The following NECAB1 variants were observed in gnomAD, a reference collection of about 807,000 sequenced individuals.
The protein encoded by NECAB1 is N-terminal EF-hand calcium-binding protein 1.
Under a neutral mutation model 57.5 loss-of-function variants are expected in NECAB1, and 29 were observed. The observed-to-expected ratio is 0.50, with a 90% CI of 0.38 to 0.69. The LOEUF is 0.69. Ranked by LOEUF, NECAB1 falls within the 30% of genes least tolerant of loss-of-function variation. The pLI, the probability that NECAB1 is intolerant of heterozygous loss-of-function variation, is 0.00. For synonymous variants in NECAB1, 142 were observed against 147.7 expected (o/e 0.96, Z 0.28); for missense variants, 372 against 413.8 (o/e 0.90, Z 0.88).
At chr8:90,934,221 A>C in intron 8 of NECAB1, 83 bp from the exon 9 acceptor site, 1 of 951,638 alleles carries the variant, frequency 1.1e-6, no homozygotes, top group South Asian at 1.7e-5. Flanking sequence ...GTTAGCCATG[A>C]GAGAACTATG....
rs1302455594 is a variant in NECAB1, at chr8:90,934,297, A to G, written c.694-7A>G. The G allele has an allele frequency of 4.0e-6, 6 of 1,513,910 alleles. No individual in the cohort carries two copies. Among genetic ancestry groups the G allele is most frequent in the Non-Finnish European group, 5.3e-6 (6 of 1,130,846 alleles). 93.8% of individuals were successfully genotyped at this position (1,513,910 alleles called of 1,614,324 possible). On this transcript the variant is annotated splice_polypyrimidine_tract_variant and splice_region_variant and intron_variant, in intron 8 of 12. Coordinates refer to ENST00000417640, the MANE Select transcript of NECAB1 (RefSeq NM_022351.5). ...TTCTTTTCTGCCATTTCTTCCTCTT[A>G]TTGAAGGATCTCAAACTCGAACCAC...
At chr8:90,798,214 A>G (rs1811695220) in intron 1 of NECAB1, among the ~76,000 whole-genome samples, 1 of 152,222 alleles carries the variant, frequency 6.6e-6, no homozygotes, top group Non-Finnish European at 1.5e-5. Flanking sequence ...ATGCCCAGTC[A>G]TTGGACTTAG....
chr8:90,920,908 G>A (rs533905805), intron 6 of NECAB1, among the ~76,000 whole-genome samples: 7 of 152,318 alleles, frequency 4.6e-5, no homozygotes, highest in African/African-American at 1.4e-4. Context: ...TGCTACACAG[G>A]AGCAGTTGGT....
At chr8:90,918,594 G>A (rs1421641152) in intron 6 of NECAB1, among the ~76,000 whole-genome samples, 1 of 152,162 alleles carries the variant, frequency 6.6e-6, no homozygotes, top group Non-Finnish European at 1.5e-5. Flanking sequence ...TTCTCTATTT[G>A]AGCTTGTCTT....
At chr8:90,830,127 A>T (rs1428792020) in intron 3 of NECAB1, among the ~76,000 whole-genome samples, 1 of 152,034 alleles carries the variant, frequency 6.6e-6, no homozygotes, top group Non-Finnish European at 1.5e-5. Context: ...GCAGTAGAAA[A>T]AGAAGGAAGG....
At chr8:90,905,827 C>A (rs1809627741) in intron 5 of NECAB1, among the ~76,000 whole-genome samples, 1 of 152,138 alleles carries the variant, frequency 6.6e-6, no homozygotes, top group African/African-American at 2.4e-5. Context: ...ATAATTACTT[C>A]AGATTAATAT....
chr8:90,885,184 C>A (rs981005297), intron 5 of NECAB1, among the ~76,000 whole-genome samples: 1 of 152,156 alleles, frequency 6.6e-6, no homozygotes, highest in African/African-American at 2.4e-5. Flanking sequence ...AGAGTTCACA[C>A]AGTGGCGTAG....
At chr8:90,879,212 C>A (rs1586079242) in intron 4 of NECAB1, among the ~76,000 whole-genome samples, 2 of 133,094 alleles carry the variant, frequency 1.5e-5, no homozygotes, top group Non-Finnish European at 3.1e-5. Flanking sequence ...TTTTTTTAGA[C>A]AATGTCTCAT....
chr8:90,901,616 G>A (rs1371513375), intron 5 of NECAB1, among the ~76,000 whole-genome samples: 3 of 152,202 alleles, frequency 2.0e-5, no homozygotes, highest in African/African-American at 2.4e-5. Flanking sequence ...TTTTGAAAAT[G>A]AGCAATTTGT....
At chr8:90,806,998 C>T (rs1245621083) in intron 2 of NECAB1, among the ~76,000 whole-genome samples, 1 of 151,972 alleles carries the variant, frequency 6.6e-6, no homozygotes, top group Non-Finnish European at 1.5e-5. Context: ...TTTTTTTTCA[C>T]TTTGTTGTAT....
chr8:90,947,880 C>T (rs1406198171), intron 10 of NECAB1, among the ~76,000 whole-genome samples: 1 of 152,186 alleles, frequency 6.6e-6, no homozygotes, highest in Non-Finnish European at 1.5e-5. Flanking sequence ...TTTACTCCTT[C>T]AAAAGCTTTA....
chr8:90,812,707 C>T (rs1287882939), intron 2 of NECAB1: 2 of 152,082 alleles, frequency 1.3e-5, no homozygotes, highest in African/African-American at 2.4e-5. Flanking sequence ...TTTAAAGACC[C>T]GCTTCCAGGA....
intron 5 of NECAB1, among the ~76,000 whole-genome samples, chr8:90,899,172 G>T (rs893847718): frequency 2.0e-5 from 3 of 152,192 alleles, no homozygotes; most frequent in African/African-American, 7.2e-5. Flanking sequence ...ACCATCCTTA[G>T]TCCTTGGCAA....
At position 90,951,155 on chromosome 8, in the gene NECAB1, T is replaced by C. The variant is rs1251019817; in HGVS notation, c.981T>C (p.Asn327=). Residue 327 remains asparagine, a synonymous_variant, in exon 12 of 13, where the codon AAT becomes AAC. Transcript: ENST00000417640. ...ATAGCAAGACATTCCAAAGAAGTAA[T>C]GTGGATTTCTTGGAAACTCCAGAAC... ...TNYSKTFQRS[N]VDFLETPELT... 10 of 1,602,954 alleles carry C rather than the reference T, an allele frequency of 6.2e-6. No homozygotes were observed. The highest frequency in any genetic ancestry group is 2.3e-5 in the East Asian group (1 of 43,924).
intron 3 of NECAB1, among the ~76,000 whole-genome samples, chr8:90,830,096 T>G (rs1012642281): frequency 2.0e-5 from 3 of 152,024 alleles, no homozygotes; most frequent in Non-Finnish European, 4.4e-5. Flanking sequence ...TTTACACTGC[T>G]TAAGTGGACA....
At chr8:90,848,862 A>G (rs1277661517) in intron 3 of NECAB1, among the ~76,000 whole-genome samples, 1 of 152,016 alleles carries the variant, frequency 6.6e-6, no homozygotes, top group Non-Finnish European at 1.5e-5. Flanking sequence ...GTGGCAGGAA[A>G]ATTGCTTGAA....
chr8:90,795,285 C>T (rs748162453), intron 1 of NECAB1, among the ~76,000 whole-genome samples: 44 of 152,170 alleles, frequency 2.9e-4, no homozygotes, highest in Non-Finnish European at 1.0e-4. Flanking sequence ...AATTCCCAAA[C>T]GAAATTAGTA....
Position 90,921,908 on chromosome 8 carries a change from A to G in NECAB1, c.495-3627A>G, listed in dbSNP as rs559164661. ...TTCATCCTGCAGTAATGAGGTAGAC[A>G]TGCCATGTTGGGCAAAATGTCTGTG... is the stretch of plus-strand genomic sequence containing the variant. On this transcript the variant is annotated intron_variant, in intron 6 of 12. Transcript: ENST00000417640. Among the ~76,000 whole-genome samples the G allele has an allele frequency of 1.2e-3, 182 of 152,352 alleles. 1 individual carries two copies. The highest frequency in any genetic ancestry group is 1.1e-3 in the Non-Finnish European group (78 of 68,034).
intron 10 of NECAB1, among the ~76,000 whole-genome samples, chr8:90,942,013 A>G (rs1464272802): frequency 6.6e-6 from 1 of 152,214 alleles, no homozygotes; most frequent in Non-Finnish European, 1.5e-5. Flanking sequence ...GTGCATAAAC[A>G]GATACTTCAT....
Sources: gnomAD v4.1 joint callset for allele counts (sites outside exome capture counted in the v4.1 genomes callset) on GRCh38, gnomAD v4.1.1 for gene constraint, MANE v1.5 for transcripts, NCBI Gene and HGNC (gene_info 2026-07-23, HGNC 2026-07-21) for gene names.